SIRPA: variants seen among roughly 807,000 people sequenced by gnomAD.
SIRPA encodes the protein tyrosine-protein phosphatase non-receptor type substrate 1.
Under a neutral mutation model 50.3 loss-of-function variants are expected in SIRPA, and 9 were observed. The ratio of observed to expected loss-of-function variants is 0.18; its 90% CI spans 0.11 to 0.31. The LOEUF is 0.31. SIRPA is among the 10% of genes least tolerant of loss of function. SIRPA has a pLI of 1.00. For synonymous variants in SIRPA, 265 were observed against 284.1 expected (o/e 0.93, Z 0.68); for missense variants, 474 against 661.6 (o/e 0.72, Z 3.11).
intron 1 of SIRPA, among the ~76,000 whole-genome samples, chr20:1,911,407 C>T (rs1188154578): frequency 6.6e-6 from 1 of 152,048 alleles, no homozygotes; most frequent in East Asian, 1.9e-4. Flanking sequence ...CTCTAAATGC[C>T]TTGCAATGAA....
chr20:1,923,553 T>G (rs776252626), intron 4 of SIRPA, among the ~76,000 whole-genome samples: 2 of 152,118 alleles, frequency 1.3e-5, no homozygotes, highest in Non-Finnish European at 2.9e-5. Context: ...GTTTTCATAG[T>G]ACGTGTGGAG....
In SIRPA at chr20:1,931,004, T is replaced by G. The variant is rs148536766; in HGVS notation, c.1226+3105T>G. On this transcript the variant is annotated intron_variant, in intron 6 of 7. Coordinates refer to ENST00000358771, the MANE Select transcript of SIRPA (RefSeq NM_001040023.2). The stretch of plus-strand genomic sequence containing the variant: ...ATAGCAGCTACCATTTATTGAGCAC[T>G]TACTGTGCTCCTGGCACTATCTATG... 5.4e-3 allele frequency among the ~76,000 whole-genome samples: 826 copies of G among 152,350 alleles called. 5 individuals carry two copies. Among genetic ancestry groups the G allele is most frequent in the Non-Finnish European group, 8.2e-3 (561 of 68,030 alleles).
At chr20:1,901,915 A>T (rs1436489453) in intron 1 of SIRPA, among the ~76,000 whole-genome samples, 2 of 152,134 alleles carry the variant, frequency 1.3e-5, no homozygotes, top group Non-Finnish European at 1.5e-5. Context: ...GTGGGCGGTG[A>T]TACCAGCGCC....
rs1449738534 is a variant in SIRPA at position 1,939,904 on chromosome 20, G to C, written c.*2336G>C. Reference sequence around the variant, plus strand: ...TTCTGGGTAATAATGAGTCCTTCCGGTGTTCAGTATTCTTGTCTTTGTGAG... The same window carrying C: ...TTCTGGGTAATAATGAGTCCTTCCGCTGTTCAGTATTCTTGTCTTTGTGAG... On this transcript the variant is annotated 3_prime_UTR_variant, in exon 8 of 8. Transcript: ENST00000358771. This position sits in a 1 kb window ranked among gnomAD's most constrained non-coding sequence, Gnocchi z 4.7. The C allele has an allele frequency of 3.3e-5, 5 of 152,638 alleles. No homozygotes were observed. The highest frequency in any genetic ancestry group is 3.3e-4 in the Admixed American group (5 of 15,290). The allele number at this position is 152,638 out of a possible 1,614,324, so 9.5% of individuals were successfully genotyped here.
intron 1 of SIRPA, among the ~76,000 whole-genome samples, chr20:1,895,736 T>C (rs929158749): frequency 2.0e-5 from 3 of 152,178 alleles, no homozygotes; most frequent in African/African-American, 7.2e-5. Flanking sequence ...AAGTCTCTTC[T>C]ATGAGAGTTT....
chr20:1,909,212 A>G (rs6081121), intron 1 of SIRPA, among the ~76,000 whole-genome samples: 57,923 of 152,116 alleles, frequency 0.38, 11,335 homozygotes, highest in East Asian at 0.68. Flanking sequence ...GAGTACAAAC[A>G]AAGAATCTAC....
Position 1,909,561 on chromosome 20 carries a change from C to T in SIRPA, c.80-5538C>T, listed in dbSNP as rs940324670. On this transcript the variant is annotated intron_variant, in intron 1 of 7. Coordinates refer to ENST00000358771, the MANE Select transcript of SIRPA (RefSeq NM_001040023.2). ...CTTTGGGAGGCTGAGGCGGGCAGAT[C>T]GCCTGAGGTCAGGAGTTTGAGACCA... 5.6e-4 allele frequency among the ~76,000 whole-genome samples: 85 copies of T among 152,256 alleles called. 2 individuals carry two copies. Among genetic ancestry groups the T allele is most frequent in the Admixed American group, 7.8e-4 (12 of 15,302 alleles).
intron 1 of SIRPA, among the ~76,000 whole-genome samples, chr20:1,900,628 A>G (rs926720356): frequency 1.3e-5 from 2 of 152,204 alleles, no homozygotes; most frequent in Non-Finnish European, 2.9e-5. Flanking sequence ...AGAAGAACAG[A>G]GAGAAAAAAA....
chr20:1,905,586 A>G (rs1600400346), intron 1 of SIRPA, among the ~76,000 whole-genome samples: 2 of 151,802 alleles, frequency 1.3e-5, no homozygotes, highest in South Asian at 2.1e-4. Flanking sequence ...GGACCTCCCA[A>G]CCTCAGCCTC....
rs765814787 is a variant in SIRPA at position 1,933,171 on chromosome 20, TGGCA to T, written c.1227-1530_1227-1527del. 2.0e-5 allele frequency among the ~76,000 whole-genome samples: 3 copies of T among 152,074 alleles called. No individual in the cohort carries two copies. Among genetic ancestry groups the T allele is most frequent in the Non-Finnish European group, 2.9e-5 (2 of 68,020 alleles). ...TTTGAGCACATGTGGTGAGGAAGCA[TGGCA>T]GGCAGGCAGGCAGACAGCAATAGAA... On this transcript the variant is annotated intron_variant, in intron 6 of 7. Transcript: ENST00000358771. This position sits in a 1 kb window ranked among gnomAD's most constrained non-coding sequence, Gnocchi z 4.4.
chr20:1,896,930 G>A (rs1403103781), intron 1 of SIRPA, among the ~76,000 whole-genome samples: 2 of 152,116 alleles, frequency 1.3e-5, no homozygotes, highest in Non-Finnish European at 2.9e-5. Flanking sequence ...GCAAAAGTCC[G>A]AGTTCCTGCC....
At chr20:1,922,716 G>C in intron 4 of SIRPA, 71 bp downstream of exon 4, 2 of 1,471,828 alleles carry the variant, frequency 1.4e-6, no homozygotes, top group African/African-American at 1.4e-5. Context: ...AATGTTAAAA[G>C]TAGTAATTCA....
rs77858634 is a variant in SIRPA at position 1,906,202 on chromosome 20, C to T, written c.80-8897C>T. Among the ~76,000 whole-genome samples the T allele has an allele frequency of 8.9e-3, 1,354 of 152,286 alleles. 25 individuals are homozygous for T. Among genetic ancestry groups the T allele is most frequent in the African/African-American group, 0.03 (1,260 of 41,556 alleles). ...AGCCAGAGGTCCAGAGTGGGCGAGA[C>T]ATTCCCTGGAGTCTCATGGGTAGCA... On this transcript the variant is annotated intron_variant, in intron 1 of 7. Transcript: ENST00000358771.
At chr20:1,916,148 T>A (rs976665684) in intron 2 of SIRPA, among the ~76,000 whole-genome samples, 1 of 152,198 alleles carries the variant, frequency 6.6e-6, no homozygotes, top group Admixed American at 6.5e-5. Flanking sequence ...TCATAGAATG[T>A]CTCTCACCCC....
chr20:1,923,484 C>T (rs1371076917), intron 4 of SIRPA, among the ~76,000 whole-genome samples: 1 of 152,246 alleles, frequency 6.6e-6, no homozygotes, highest in Non-Finnish European at 1.5e-5. Context: ...TCAAAGTGGC[C>T]CTTTGGTTTC....
intron 1 of SIRPA, among the ~76,000 whole-genome samples, chr20:1,911,099 T>C (rs1984863979): frequency 6.6e-6 from 1 of 152,244 alleles, no homozygotes; most frequent in South Asian, 2.1e-4. Context: ...CACATTTCCA[T>C]TGTAATTCTA....
At position 1,938,081 on chromosome 20, in the gene SIRPA, G is replaced by GA. The variant is rs933168776; in HGVS notation, c.*517dup. 1.3e-5 allele frequency: 2 copies of GA among 156,584 alleles called. No homozygotes were observed. Among genetic ancestry groups the GA allele is most frequent in the Admixed American group, 6.3e-5 (1 of 15,902 alleles). 9.7% of individuals were successfully genotyped at this position (156,584 alleles called of 1,614,324 possible). A position where few individuals can be genotyped will look rare whatever the true frequency, so the allele number is the denominator to read the frequency against. On this transcript the variant is annotated 3_prime_UTR_variant, in exon 8 of 8. Transcript: ENST00000358771. ...TTTAGATCAAACTGCCCCTTCCATG[G>GA]AAAAGCTGGAAAAAAACTCTGGAAC...
In SIRPA at chr20:1,921,473, C is replaced by A; in HGVS notation, c.515C>A (p.Ser172Tyr). 1 of 1,613,918 alleles carries A rather than the reference C, an allele frequency of 6.2e-7. No individual in the cohort carries two copies. The highest frequency in any genetic ancestry group is 8.5e-7 in the Non-Finnish European group (1 of 1,179,862). The change falls in exon 3 of 8, where the codon TCC (serine) becomes TAC (tyrosine). Residue 172 changes from serine to tyrosine, a missense_variant. Coordinates refer to ENST00000358771, the MANE Select transcript of SIRPA (RefSeq NM_001040023.2). ...PQHTVSFTCESHGFSPRDITL... is the reference protein window; with the variant it reads ...PQHTVSFTCEYHGFSPRDITL... ...CACACAGTGAGCTTCACCTGCGAGT[C>A]CCACGGCTTCTCACCCAGAGACATC...
Position 1,937,270 on chromosome 20 carries a change from G to A in SIRPA, c.1267-50G>A, listed in dbSNP as rs759686867. ...TTCAGTTTGAGTGAGTGGGCCAGGG[G>A]CTATAGAATGACCTTCTCATGACTT... On this transcript the variant is annotated intron_variant, in intron 7 of 7. Coordinates refer to ENST00000358771, the MANE Select transcript of SIRPA (RefSeq NM_001040023.2). The surrounding 1 kb of genome is among the most constrained non-coding windows in gnomAD (Gnocchi z 8.3). 9 of 1,583,840 alleles carry A rather than the reference G, an allele frequency of 5.7e-6. No individual in the cohort carries two copies. The highest frequency in any genetic ancestry group is 7.7e-6 in the Non-Finnish European group (9 of 1,161,818).
Sources: allele counts gnomAD v4.1 joint callset (sites outside exome capture counted in the v4.1 genomes callset), GRCh38; gene constraint gnomAD v4.1.1; non-coding constraint Gnocchi (gnomAD v3.1); transcripts MANE v1.5; gene names NCBI Gene and HGNC (gene_info 2026-07-23, HGNC 2026-07-21).